Variants in TENM1 observed in about 807,000 individuals in gnomAD.
TENM1 encodes the protein teneurin transmembrane protein 1.
In TENM1, 35 loss-of-function variants were observed where a neutral mutation model predicts 174.8. The ratio of observed to expected loss-of-function variants is 0.20; its 90% CI spans 0.15 to 0.27. TENM1 has a LOEUF of 0.27. Among genes scored for constraint, TENM1 ranks in the 10% least tolerant of loss-of-function variants. TENM1 has a pLI of 1.00. For missense variants in TENM1, 1,633 were observed against 2,130.1 expected, an observed-to-expected ratio of 0.77 and a Z score of 4.59; for synonymous variants, 781 against 798.7, an observed-to-expected ratio of 0.98 and a Z score of 0.37.
chrX:125,175,172 A>G, the TENM1 span, among the ~76,000 whole-genome samples: 2 of 111,146 alleles, frequency 1.8e-5, no homozygotes, highest in Non-Finnish European at 3.8e-5. Context: ...TATGTCCTCA[A>G]GAGATAAGTG....
chrX:124,567,243 G>C (rs1430943027), intron 11 of TENM1, among the ~76,000 whole-genome samples: 1 of 111,394 alleles, frequency 9.0e-6, no homozygotes, highest in Non-Finnish European at 1.9e-5. Context: ...GCCATCATTA[G>C]CATATAGGTG....
chrX:125,184,153 C>T, the TENM1 span, among the ~76,000 whole-genome samples: 1 of 111,551 alleles, frequency 9.0e-6, no homozygotes, highest in Non-Finnish European at 1.9e-5. Context: ...TATTTAGTGC[C>T]AATTATTTTT....
intron 3 of TENM1, among the ~76,000 whole-genome samples, chrX:124,816,452 C>T (rs952927238): frequency 3.6e-5 from 4 of 111,685 alleles, no homozygotes; most frequent in Non-Finnish European, 7.5e-5. Context: ...AAGAATGACT[C>T]ATAATTTGCA....
intron 22 of TENM1, among the ~76,000 whole-genome samples, chrX:124,463,836 GGTGTGT>G (rs61128914): frequency 0.11 from 10,376 of 90,782 alleles, 938 homozygotes; most frequent in African/African-American, 0.29. Context: ...TAGAGGTTGG[GGTGTGT>G]GTGTGTGTGT....
chrX:124,670,788 C>T, intron 6 of TENM1, among the ~76,000 whole-genome samples: 1 of 111,009 alleles, frequency 9.0e-6, no homozygotes, highest in Non-Finnish European at 1.9e-5. Context: ...GTCTTAGTTG[C>T]AACTAATGAA....
chrX:124,955,802 C>T (rs1182016163), intron 1 of TENM1, among the ~76,000 whole-genome samples: 1 of 107,579 alleles, frequency 9.3e-6, no homozygotes, highest in Non-Finnish European at 1.9e-5. Flanking sequence ...CGCACGCACA[C>T]ACACACACAC....
At chrX:124,492,220 G>C (rs761377760) in intron 20 of TENM1, among the ~76,000 whole-genome samples, 45 of 111,393 alleles carry the variant, frequency 4.0e-4, no homozygotes, top group Non-Finnish European at 7.9e-4. Flanking sequence ...TGTTTCCAAG[G>C]AAACAGATGA....
At chrX:124,666,793 A>C (rs964990241) in intron 6 of TENM1, among the ~76,000 whole-genome samples, 1 of 111,762 alleles carries the variant, frequency 8.9e-6, no homozygotes, top group Non-Finnish European at 1.9e-5. Context: ...TTTCCTGTTC[A>C]GCTAACTGAT....
At chrX:124,814,849 A>G (rs2055863768) in intron 3 of TENM1, among the ~76,000 whole-genome samples, 1 of 111,844 alleles carries the variant, frequency 8.9e-6, no homozygotes, top group Non-Finnish European at 1.9e-5. Flanking sequence ...CTTTGGGTAT[A>G]AGCTAAAGCT....
intron 23 of TENM1, among the ~76,000 whole-genome samples, chrX:124,426,230 C>T (rs1489266902): frequency 9.0e-6 from 1 of 111,550 alleles, no homozygotes; most frequent in Non-Finnish European, 1.9e-5. Flanking sequence ...CATTCCCCAC[C>T]CTACCACTCA....
At chrX:124,392,568 TAGAC>T (rs2147622026) in intron 27 of TENM1, among the ~76,000 whole-genome samples, 1 of 111,849 alleles carries the variant, frequency 8.9e-6, no homozygotes, top group East Asian at 2.8e-4. Context: ...TGAAATACTC[TAGAC>T]TCTCAATAGG....
Position 124,851,548 on chromosome X carries a change from T to G in TENM1, c.535+42748A>C, listed in dbSNP as rs1028395732. Among the ~76,000 whole-genome samples the G allele has an allele frequency of 2.7e-5, 3 of 110,958 alleles. No individual in the cohort carries two copies. In the East Asian group the frequency reaches 8.6e-4, roughly 32 times the overall value. ...AAATCTCCCTGTCCCAATGTCCATC[T>G]CACTATTCTACTTGAGCTATCTTTT... On this transcript the variant is annotated intron_variant, in intron 3 of 31. Transcript: ENST00000422452.
chrX:124,583,260 G>A (rs1041382641), intron 11 of TENM1, among the ~76,000 whole-genome samples: 14 of 111,662 alleles, frequency 1.3e-4, no homozygotes, highest in Admixed American at 9.4e-4. Context: ...CCTGACCCCC[G>A]AGCAGCCTAA....
exon 5 of TENM1, chrX:124,705,216 G>GGACCCC: frequency 8.3e-7 from 1 of 1,205,260 alleles, no homozygotes; most frequent in Non-Finnish European, 1.1e-6. Flanking sequence ...ACTGAAGATC[G>GGACCCC]CAGAGGAACC....
At chrX:124,516,038 A>G (rs932102176) in intron 18 of TENM1, among the ~76,000 whole-genome samples, 1 of 111,300 alleles carries the variant, frequency 9.0e-6, no homozygotes, top group Non-Finnish European at 1.9e-5. Context: ...GAGGCCAGAA[A>G]TAAGGTCACA....
chrX:125,168,664 G>T, the TENM1 span, among the ~76,000 whole-genome samples: 1 of 110,909 alleles, frequency 9.0e-6, no homozygotes, highest in South Asian at 3.8e-4. Flanking sequence ...CAAAATTAGA[G>T]ATTTGAAGCA....
chrX:124,915,350 C>A (rs2057903812), intron 1 of TENM1, among the ~76,000 whole-genome samples: 1 of 111,642 alleles, frequency 9.0e-6, no homozygotes, highest in Admixed American at 9.5e-5. Context: ...CATGGTGAAA[C>A]CCTGTCTCTA....
At chrX:124,722,232 T>A (rs1392747673) in intron 4 of TENM1, among the ~76,000 whole-genome samples, 3 of 112,450 alleles carry the variant, frequency 2.7e-5, no homozygotes, top group Non-Finnish European at 5.6e-5. Flanking sequence ...GATATTTTGA[T>A]AGTTTGAATT....
At chrX:124,500,642 C>T (rs1290043314) in intron 19 of TENM1, among the ~76,000 whole-genome samples, 3 of 111,777 alleles carry the variant, frequency 2.7e-5, no homozygotes, top group Non-Finnish European at 5.7e-5. Context: ...ATTTTCTCTT[C>T]AAAGTTTTCC....
Sources: gnomAD v4.1 joint callset for allele counts (sites outside exome capture counted in the v4.1 genomes callset) on GRCh38, gnomAD v4.1.1 for gene constraint, MANE v1.5 for transcripts, NCBI Gene and HGNC (gene_info 2026-07-23, HGNC 2026-07-21) for gene names.